The following MACROD2 variants were observed in gnomAD, a reference collection of about 807,000 sequenced individuals.
The protein encoded by MACROD2 is mono-ADP ribosylhydrolase 2.
A neutral mutation model predicts 70.4 loss-of-function variants in MACROD2; 36 were observed. That is an observed-to-expected ratio of 0.51 (90% CI 0.39 to 0.68). The LOEUF is 0.68. Ranked by LOEUF, MACROD2 falls within the 30% of genes least tolerant of loss-of-function variation. MACROD2 has a pLI of 0.00. For synonymous variants in MACROD2, 172 were observed against 178.8 expected (o/e 0.96, Z 0.30); for missense variants, 496 against 538.4 (o/e 0.92, Z 0.78).
intron 2 of MACROD2, among the ~76,000 whole-genome samples, chr20:14,011,593 A>G (rs1380812708): frequency 6.6e-6 from 1 of 151,280 alleles, no homozygotes; most frequent in African/African-American, 2.4e-5. Flanking sequence ...CAGTGGCCCG[A>G]TCTCGGCTCA....
At chr20:14,742,883 C>T (rs544648010) in intron 5 of MACROD2, among the ~76,000 whole-genome samples, 1 of 151,544 alleles carries the variant, frequency 6.6e-6, no homozygotes, top group South Asian at 2.1e-4. Context: ...TCTCCTGCCT[C>T]AGCCTCCCAA....
chr20:14,078,673 G>T (rs1044495657), intron 2 of MACROD2, among the ~76,000 whole-genome samples: 3 of 152,150 alleles, frequency 2.0e-5, no homozygotes, highest in African/African-American at 7.2e-5. Flanking sequence ...CTCCCAAAGT[G>T]CTGGGATTAC....
At chr20:15,941,141 A>G (rs766372851) in intron 12 of MACROD2, among the ~76,000 whole-genome samples, 5 of 152,068 alleles carry the variant, frequency 3.3e-5, no homozygotes, top group African/African-American at 7.3e-5. Context: ...TTTTTTTAAC[A>G]TAAAACTTTT....
intron 8 of MACROD2, among the ~76,000 whole-genome samples, chr20:15,811,665 C>A (rs2063823274): frequency 6.6e-6 from 1 of 151,798 alleles, no homozygotes; most frequent in African/African-American, 2.4e-5. Context: ...ATCAAAGGCC[C>A]TCAATAATTA....
At chr20:14,964,597 AAAT>A (rs1477381492) in intron 5 of MACROD2, among the ~76,000 whole-genome samples, 1 of 151,980 alleles carries the variant, frequency 6.6e-6, no homozygotes, top group African/African-American at 2.4e-5. Flanking sequence ...AATAAAAAAA[AAAT>A]AAAGAGAGAC....
At chr20:14,158,894 T>A (rs144770600) in intron 3 of MACROD2, among the ~76,000 whole-genome samples, 1 of 152,198 alleles carries the variant, frequency 6.6e-6, no homozygotes, top group Admixed American at 6.5e-5. Flanking sequence ...CTACTTGGGC[T>A]CTTTTTTGGT....
chr20:15,106,324 T>C (rs759366912), intron 5 of MACROD2, among the ~76,000 whole-genome samples: 4 of 152,186 alleles, frequency 2.6e-5, no homozygotes, highest in Non-Finnish European at 5.9e-5. Flanking sequence ...ACACATATTG[T>C]AATGTAGGTG....
intron 4 of MACROD2, among the ~76,000 whole-genome samples, chr20:14,527,315 C>T (rs1411270428): frequency 6.6e-6 from 1 of 152,124 alleles, no homozygotes. Context: ...CCAGGGTGGT[C>T]TTGGGAAATG....
intron 3 of MACROD2, among the ~76,000 whole-genome samples, chr20:14,409,832 A>T (rs545592219): frequency 4.6e-5 from 7 of 152,256 alleles, no homozygotes; most frequent in African/African-American, 1.7e-4. Context: ...TGTTTGTGGG[A>T]TGGAAACTCC....
chr20:14,112,204 A>G (rs1441747720), intron 3 of MACROD2, among the ~76,000 whole-genome samples: 4 of 152,082 alleles, frequency 2.6e-5, no homozygotes, highest in Admixed American at 6.6e-5. Context: ...GATGGCTACT[A>G]GAGGCTGGGA....
intron 5 of MACROD2, among the ~76,000 whole-genome samples, chr20:14,691,792 C>T (rs377181010): frequency 8.5e-5 from 13 of 152,198 alleles, no homozygotes; most frequent in African/African-American, 3.1e-4. Context: ...ACCTGAGGGC[C>T]CTCATGAGCC....
chr20:14,416,423 T>C (rs1011310714), intron 3 of MACROD2, among the ~76,000 whole-genome samples: 8 of 152,226 alleles, frequency 5.3e-5, no homozygotes, highest in Non-Finnish European at 1.0e-4. Flanking sequence ...CTTAATAATA[T>C]ATAACAAATA....
chr20:14,917,655 T>C (rs192652274), intron 5 of MACROD2, among the ~76,000 whole-genome samples: 13 of 151,976 alleles, frequency 8.6e-5, no homozygotes, highest in Admixed American at 7.9e-4. Flanking sequence ...AGCAATAACA[T>C]TGAGAATAGG....
intron 15 of MACROD2, among the ~76,000 whole-genome samples, chr20:15,992,863 C>T (rs2066576534): frequency 6.6e-6 from 1 of 152,164 alleles, no homozygotes; most frequent in African/African-American, 2.4e-5. Context: ...GAGCTTTTTA[C>T]TCCTCTCTGC....
At chr20:15,167,644 G>A (rs567749314) in intron 5 of MACROD2, among the ~76,000 whole-genome samples, 12 of 152,270 alleles carry the variant, frequency 7.9e-5, no homozygotes, top group Admixed American at 2.0e-4. Context: ...GGTCAGAGCA[G>A]ACCCTTTAGG....
chr20:14,229,961 A>T (rs2081785306), intron 3 of MACROD2, among the ~76,000 whole-genome samples: 1 of 152,244 alleles, frequency 6.6e-6, no homozygotes, highest in Admixed American at 6.5e-5. Flanking sequence ...TCCTAATGCA[A>T]ATAAAATTAT....
At chr20:14,688,509 C>T (rs1278430748) in intron 5 of MACROD2, among the ~76,000 whole-genome samples, 2 of 152,098 alleles carry the variant, frequency 1.3e-5, no homozygotes, top group Non-Finnish European at 2.9e-5. Context: ...AATATCCAAT[C>T]ATTCTTTTCA....
At chr20:14,890,991 C>CT (rs1265024580) in intron 5 of MACROD2, among the ~76,000 whole-genome samples, 128 of 144,114 alleles carry the variant, frequency 8.9e-4, no homozygotes, top group African/African-American at 1.9e-3. Context: ...TCCTTCCTTC[C>CT]TCCCTCCCTC....
chr20:14,553,927 G>A (rs890629852), intron 4 of MACROD2, among the ~76,000 whole-genome samples: 8 of 152,112 alleles, frequency 5.3e-5, no homozygotes, highest in Non-Finnish European at 1.2e-4. Context: ...CAGAGTTTAA[G>A]TTACTATTCA....
Sources: allele counts gnomAD v4.1 joint callset (sites outside exome capture counted in the v4.1 genomes callset), GRCh38; gene constraint gnomAD v4.1.1; transcripts MANE v1.5; gene names NCBI Gene and HGNC (gene_info 2026-07-23, HGNC 2026-07-21).